The following MCCC2 variants were observed in gnomAD, a reference collection of about 807,000 sequenced individuals.
MCCC2 encodes methylcrotonyl-CoA carboxylase subunit 2.
A neutral mutation model predicts 77.2 loss-of-function variants in MCCC2; 52 were observed. The ratio of observed to expected loss-of-function variants is 0.67; its 90% CI spans 0.54 to 0.85. The LOEUF (loss-of-function observed/expected upper bound fraction) is 0.85, where lower values mean the gene tolerates loss of function less well. Among genes scored for constraint, MCCC2 ranks in the 40% least tolerant of loss-of-function variants. The pLI is 0.00. For synonymous variants in MCCC2, 253 were observed against 248.4 expected (o/e 1.02, Z -0.18); for missense variants, 682 against 703.2 (o/e 0.97, Z 0.34).
At chr5:71,640,301 TAACTG>T (rs1457944701) in intron 10 of MCCC2, among the ~76,000 whole-genome samples, 22 of 152,232 alleles carry the variant, frequency 1.4e-4, no homozygotes, top group Non-Finnish European at 1.3e-4. Context: ...TCTACCCTGT[TAACTG>T]ATAGTGCTGT....
At chr5:71,600,239 G>A (rs1745369694) in intron 4 of MCCC2, among the ~76,000 whole-genome samples, 1 of 152,022 alleles carries the variant, frequency 6.6e-6, no homozygotes, top group South Asian at 2.1e-4. Context: ...TTTAACTAGA[G>A]ATGCTCTAGT....
At chr5:71,595,464 C>T (rs969351016) in intron 2 of MCCC2, among the ~76,000 whole-genome samples, 2 of 146,952 alleles carry the variant, frequency 1.4e-5, no homozygotes, top group East Asian at 2.0e-4. Flanking sequence ...CTTGGAAGAT[C>T]GTTTGAGATT....
At position 71,611,422 on chromosome 5, in the gene MCCC2, A is replaced by G. The variant is rs147760340; in HGVS notation, c.624+6954A>G. 5.5e-3 allele frequency among the ~76,000 whole-genome samples: 839 copies of G among 152,298 alleles called. 8 individuals carry two copies. Among genetic ancestry groups the G allele is most frequent in the African/African-American group, 0.019 (805 of 41,558 alleles). ...GTCTCACAAAAGAAAAAGAAAAGAA[A>G]AGTTCATTATAGCATTGTTTGTTAG... is the stretch of plus-strand genomic sequence containing the variant. On this transcript the variant is annotated intron_variant, in intron 6 of 16. Coordinates refer to ENST00000340941, the MANE Select transcript of MCCC2 (RefSeq NM_022132.5).
intron 6 of MCCC2, among the ~76,000 whole-genome samples, chr5:71,610,724 C>T (rs562748988): frequency 9.9e-5 from 15 of 152,272 alleles, no homozygotes; most frequent in Admixed American, 3.9e-4. Flanking sequence ...CGGTGGCTCA[C>T]GCCTGGAATC....
At chr5:71,655,639 G>A (rs550891813) in intron 16 of MCCC2, among the ~76,000 whole-genome samples, 1 of 152,222 alleles carries the variant, frequency 6.6e-6, no homozygotes, top group African/African-American at 2.4e-5. Flanking sequence ...TATGAGCAAA[G>A]GTTTGATTCA....
intron 1 of MCCC2, among the ~76,000 whole-genome samples, chr5:71,590,053 G>T (rs945894895): frequency 6.6e-6 from 1 of 152,140 alleles, no homozygotes; most frequent in Non-Finnish European, 1.5e-5. Context: ...CTCTGTGGTT[G>T]CTCAGCTTCA....
At chr5:71,653,605 T>C (rs1015846716) in intron 16 of MCCC2, among the ~76,000 whole-genome samples, 3 of 152,074 alleles carry the variant, frequency 2.0e-5, no homozygotes, top group African/African-American at 7.2e-5. Context: ...ATCCCAGCAT[T>C]TTGAGAGGCC....
rs1017105812 is a variant in MCCC2 at position 71,593,092 on chromosome 5, T to A, written c.196+100T>A. On this transcript the variant is annotated intron_variant, in intron 2 of 16. Transcript: ENST00000340941. ...ATACTGGAATTAAGCTTTTGATATT[T>A]TTTTTTTTTTTTTGAGATGGAGTCT... The A allele has an allele frequency of 3.2e-3, 2,943 of 915,786 alleles. 10 individuals carry two copies. The highest frequency in any genetic ancestry group is 0.015 in the African/African-American group (902 of 58,924). 56.7% of individuals were successfully genotyped at this position (915,786 alleles called of 1,614,324 possible). A position where few individuals can be genotyped will look rare whatever the true frequency, so the allele number is the denominator to read the frequency against.
chr5:71,643,650 C>T lies in MCCC2; in HGVS notation c.1073-169C>T, dbSNP rs534590334. 2.7e-5 allele frequency: 36 copies of T among 1,329,892 alleles called. No individual in the cohort carries two copies. The Admixed American group carries it at 3.9e-4, about 14-fold the overall frequency. The allele number at this position is 1,329,892 out of a possible 1,614,324, so 82.4% of individuals were successfully genotyped here. Reference sequence around the variant, plus strand: ...AGCAAAAGAAACCAGAGTCTAGGACCTTAGGAACAAGAAGATTGTGACATG... The same window carrying T: ...AGCAAAAGAAACCAGAGTCTAGGACTTTAGGAACAAGAAGATTGTGACATG... On this transcript the variant is annotated intron_variant, in intron 11 of 16. Transcript: ENST00000340941.
Position 71,596,285 on chromosome 5 carries a change from G to A in MCCC2, c.202G>A (p.Gly68Ser). The A allele has an allele frequency of 1.9e-6, 3 of 1,613,748 alleles. No individual in the cohort carries two copies. The highest frequency in any genetic ancestry group is 2.5e-6 in the Non-Finnish European group (3 of 1,179,746). ...TAATCACATTTCTATCATAGGAGGT[G>A]GTGAGAAAGCCCGAGCACTTCACAT... ...ERVEHIKLGG[G>S]EKARALHISR... The change falls in exon 3 of 17, where the codon GGT (glycine) becomes AGT (serine). Residue 68 changes from glycine (G) to serine (S), a missense_variant. Transcript: ENST00000340941.
chr5:71,644,368 G>A (rs1011560709), intron 12 of MCCC2, among the ~76,000 whole-genome samples: 3 of 151,896 alleles, frequency 2.0e-5, no homozygotes, highest in Admixed American at 6.6e-5. Flanking sequence ...TCCCATTATC[G>A]CTTTAACTTT....
At chr5:71,639,674 C>T (rs973273501) in intron 10 of MCCC2, among the ~76,000 whole-genome samples, 2 of 152,172 alleles carry the variant, frequency 1.3e-5, no homozygotes, top group South Asian at 4.1e-4. Context: ...AATGCAAATA[C>T]AACATAGTTT....
intron 3 of MCCC2, 81 bp from the exon 4 acceptor site, chr5:71,599,578 C>A: frequency 9.0e-7 from 1 of 1,107,742 alleles, no homozygotes; most frequent in Non-Finnish European, 1.4e-6. Flanking sequence ...GAGGAAAAAT[C>A]TTTTCCTTTT....
chr5:71,626,780 G>A (rs751182465), intron 7 of MCCC2, 27 bp downstream of exon 7: 5 of 1,582,620 alleles, frequency 3.2e-6, no homozygotes, highest in Middle Eastern at 1.7e-4. Context: ...GTTGGTCGAT[G>A]GAAATTAAGT....
At position 71,618,543 on chromosome 5, in the gene MCCC2, TCC is replaced by T. The variant is rs1178451793; in HGVS notation, c.625-8096_625-8095del. 6.9e-3 allele frequency among the ~76,000 whole-genome samples: 405 copies of T among 58,868 alleles called. 5 individuals are homozygous for T. The highest frequency in any genetic ancestry group is 0.021 in the African/African-American group (387 of 18,340). 38.6% of individuals were successfully genotyped at this position (58,868 alleles called of 152,430 possible). Reference sequence around the variant, plus strand: ...TTCCTTCCTTCCTTCCTTCCTTCCTTCCTTCCTTTCTTTCTTTCTCTTTCTTT... The same window carrying T: ...TTCCTTCCTTCCTTCCTTCCTTCCTTTTCCTTTCTTTCTTTCTCTTTCTTT... On this transcript the variant is annotated intron_variant, in intron 6 of 16. Transcript: ENST00000340941.
intron 1 of MCCC2, 97 bp downstream of exon 1, chr5:71,587,651 G>T: frequency 6.9e-7 from 1 of 1,452,712 alleles, no homozygotes; most frequent in Non-Finnish European, 9.3e-7. Flanking sequence ...CTTGTCCGGA[G>T]CCCCAGTTGA....
At chr5:71,634,833 T>C (rs1746861645) in intron 8 of MCCC2, 110 bp from the exon 9 acceptor site, 2 of 961,794 alleles carry the variant, frequency 2.1e-6, no homozygotes, top group East Asian at 5.1e-5. Flanking sequence ...TTAAGTGTTT[T>C]AGAAGTAAAA....
chr5:71,589,495 A>G (rs1744891526), intron 1 of MCCC2, among the ~76,000 whole-genome samples: 1 of 152,260 alleles, frequency 6.6e-6, no homozygotes, highest in Non-Finnish European at 1.5e-5. Flanking sequence ...TGAATTAAAC[A>G]TGCCCTTCTC....
chr5:71,646,389 C>T, intron 13 of MCCC2, 112 bp downstream of exon 13: 2 of 908,496 alleles, frequency 2.2e-6, no homozygotes. Context: ...GCAGGAAGTT[C>T]TACTGGACAT....
Sources: allele counts gnomAD v4.1 joint callset (sites outside exome capture counted in the v4.1 genomes callset), GRCh38; gene constraint gnomAD v4.1.1; transcripts MANE v1.5; gene names NCBI Gene and HGNC (gene_info 2026-07-23, HGNC 2026-07-21).